MGMT: variants seen among roughly 807,000 people sequenced by gnomAD.
MGMT encodes methylated-DNA--protein-cysteine methyltransferase.
In MGMT, 14 loss-of-function variants were observed where a neutral mutation model predicts 15.9. The ratio of observed to expected loss-of-function variants is 0.88; its 90% CI spans 0.58 to 1.37. The LOEUF is 1.37. Ranked by LOEUF, MGMT falls within the 40% of genes most tolerant of loss-of-function variation. The pLI is 0.00. For synonymous variants in MGMT, 130 were observed against 118.2 expected, an observed-to-expected ratio of 1.10 and a Z score of -0.65; for missense variants, 282 against 268.1, an observed-to-expected ratio of 1.05 and a Z score of -0.36.
intron 3 of MGMT, among the ~76,000 whole-genome samples, chr10:129,738,510 ATCT>A (rs1198961343): frequency 2.6e-5 from 4 of 152,126 alleles, no homozygotes; most frequent in African/African-American, 4.8e-5. Flanking sequence ...GAAATCACCC[ATCT>A]TCTGCGTCGC....
intron 2 of MGMT, among the ~76,000 whole-genome samples, chr10:129,580,598 G>C (rs1846540869): frequency 6.6e-6 from 1 of 152,198 alleles, no homozygotes; most frequent in Admixed American, 6.5e-5. Context: ...GTCCTCCAGA[G>C]TGGCCTCTTT....
At chr10:129,700,190 C>T (rs573355766) in intron 2 of MGMT, 11 of 152,240 alleles carry the variant, frequency 7.2e-5, no homozygotes, top group South Asian at 4.2e-4. Flanking sequence ...CCAGCAAGGC[C>T]GCGGTTGTGT....
intron 2 of MGMT, among the ~76,000 whole-genome samples, chr10:129,546,241 A>G (rs779695036): frequency 1.1e-4 from 16 of 150,328 alleles, no homozygotes; most frequent in South Asian, 4.1e-4. Context: ...AGGGGCAGAC[A>G]GGGGCAGACG....
intron 1 of MGMT, among the ~76,000 whole-genome samples, chr10:129,536,031 G>A (rs1037159731): frequency 6.6e-6 from 1 of 152,182 alleles, no homozygotes; most frequent in Non-Finnish European, 1.5e-5. Context: ...AAAGGAGACT[G>A]TAGTATTGGT....
intron 2 of MGMT, among the ~76,000 whole-genome samples, chr10:129,688,424 C>T (rs994983468): frequency 1.3e-5 from 2 of 152,206 alleles, no homozygotes; most frequent in African/African-American, 2.4e-5. Context: ...TTTTGATTTG[C>T]ATTTCTCTGA....
intron 2 of MGMT, among the ~76,000 whole-genome samples, chr10:129,616,297 C>A (rs774607298): frequency 5.9e-5 from 9 of 152,202 alleles, no homozygotes; most frequent in Non-Finnish European, 1.2e-4. Context: ...CGATGCTCAT[C>A]GTGAAGATGC....
intron 3 of MGMT, among the ~76,000 whole-genome samples, chr10:129,729,274 C>G (rs992183136): frequency 6.6e-6 from 1 of 152,166 alleles, no homozygotes; most frequent in Admixed American, 6.5e-5. Context: ...ATGGTGTTAC[C>G]CACTGCACAG....
intron 3 of MGMT, among the ~76,000 whole-genome samples, chr10:129,723,263 C>G (rs1177026351): frequency 6.6e-6 from 1 of 152,070 alleles, no homozygotes; most frequent in African/African-American, 2.4e-5. Flanking sequence ...TCTTTCATCC[C>G]TCACCCACTT....
At chr10:129,568,584 T>C (rs1170572636) in intron 2 of MGMT, among the ~76,000 whole-genome samples, 4 of 152,214 alleles carry the variant, frequency 2.6e-5, no homozygotes, top group Non-Finnish European at 5.9e-5. Context: ...TTTAGAAATA[T>C]GTCATTGGTG....
chr10:129,745,452 G>A (rs896615233), intron 3 of MGMT, among the ~76,000 whole-genome samples: 2 of 151,774 alleles, frequency 1.3e-5, no homozygotes, highest in African/African-American at 2.4e-5. Context: ...CTCCAACACC[G>A]TGGCTTTGTG....
At chr10:129,736,825 G>A (rs1848568276) in intron 3 of MGMT, among the ~76,000 whole-genome samples, 1 of 152,158 alleles carries the variant, frequency 6.6e-6, no homozygotes, top group Non-Finnish European at 1.5e-5. Context: ...AAGAAGCTTA[G>A]TTTGGCTGGA....
At chr10:129,521,281 G>T (rs139415841) in intron 1 of MGMT, among the ~76,000 whole-genome samples, 1 of 152,146 alleles carries the variant, frequency 6.6e-6, no homozygotes, top group Admixed American at 6.5e-5. Flanking sequence ...ATTTCAATCC[G>T]TGTGTCCCCC....
chr10:129,744,005 A>T (rs184029838), intron 3 of MGMT, among the ~76,000 whole-genome samples: 2 of 152,374 alleles, frequency 1.3e-5, no homozygotes, highest in East Asian at 3.9e-4. Context: ...AGAGGAGGAC[A>T]GCCTCTGCTT....
intron 2 of MGMT, among the ~76,000 whole-genome samples, chr10:129,564,901 C>T (rs1005196801): frequency 5.3e-5 from 8 of 152,070 alleles, no homozygotes; most frequent in African/African-American, 1.9e-4. Flanking sequence ...CCACCTATGG[C>T]CACTGCCCTC....
At chr10:129,545,593 TGGATGCCATCCTCA>T (rs1846090296) in intron 2 of MGMT, among the ~76,000 whole-genome samples, 2 of 152,198 alleles carry the variant, frequency 1.3e-5, no homozygotes, top group African/African-American at 4.8e-5. Flanking sequence ...GCCACGTCTG[TGGATGCCATCCTCA>T]GGATGCCATT....
intron 2 of MGMT, among the ~76,000 whole-genome samples, chr10:129,567,732 A>G (rs1245090161): frequency 6.6e-6 from 1 of 152,230 alleles, no homozygotes; most frequent in Admixed American, 6.5e-5. Context: ...ATTTATCACA[A>G]AAATGATGAT....
intron 2 of MGMT, among the ~76,000 whole-genome samples, chr10:129,548,044 C>CA (rs1371414410): frequency 6.6e-6 from 1 of 152,186 alleles, no homozygotes; most frequent in Non-Finnish European, 1.5e-5. Flanking sequence ...AGTTTTCTGC[C>CA]AGGGTGTTTA....
intron 1 of MGMT, among the ~76,000 whole-genome samples, chr10:129,501,006 A>G (rs544587619): frequency 1.3e-5 from 2 of 152,378 alleles, no homozygotes; most frequent in Admixed American, 6.5e-5. Flanking sequence ...TTGTAGAGGT[A>G]AAGTAAAGCC....
At chr10:129,474,866 G>A (rs1044771698) in intron 1 of MGMT, among the ~76,000 whole-genome samples, 2 of 152,114 alleles carry the variant, frequency 1.3e-5, no homozygotes, top group African/African-American at 4.8e-5. Flanking sequence ...GGCTTCCTCC[G>A]GGCCCTGGGC....
Sources: gnomAD v4.1 joint callset for allele counts (sites outside exome capture counted in the v4.1 genomes callset) on GRCh38, gnomAD v4.1.1 for gene constraint, MANE v1.5 for transcripts, NCBI Gene and HGNC (gene_info 2026-07-23, HGNC 2026-07-21) for gene names.